The following MFSD1 variants were observed in gnomAD, a reference collection of about 807,000 sequenced individuals.
MFSD1 encodes major facilitator superfamily domain containing 1.
A neutral mutation model predicts 67.1 loss-of-function variants in MFSD1; 59 were observed. The observed-to-expected ratio is 0.88, with a 90% confidence interval of 0.71 to 1.09. MFSD1 has a LOEUF of 1.09. Ranked by LOEUF, MFSD1 falls within the 50% of genes least tolerant of loss-of-function variation. MFSD1 has a pLI of 0.00. For missense variants in MFSD1, 552 were observed against 566.1 expected, an observed-to-expected ratio of 0.97 and a Z score of 0.25; for synonymous variants, 213 against 200.3, an observed-to-expected ratio of 1.06 and a Z score of -0.54.
In MFSD1 at chr3:158,821,632, A is replaced by G. The variant is rs1730678277; in HGVS notation, c.899A>G (p.Gln300Arg). 3.1e-6 allele frequency: 5 copies of G among 1,610,370 alleles called. No homozygotes were observed. The South Asian group carries it at 3.3e-5, about 11-fold the overall frequency. ...FFTEKFGFSS[Q>R]AASAINSVVY... is the part of the protein sequence containing the mutation. ...ACAGAGAAATTTGGATTTTCTTCCCAGGCAGCAAGTGCAATTAACAGGTAT... is the reference window on the plus strand; with the variant it reads ...ACAGAGAAATTTGGATTTTCTTCCCGGGCAGCAAGTGCAATTAACAGGTAT... Residue 300 changes from glutamine (Q) to arginine (R), a missense_variant, in exon 10 of 16, where the codon CAG becomes CGG. By Grantham distance (43) the Gln-to-Arg change is conservative. Coordinates refer to ENST00000415822, the MANE Select transcript of MFSD1 (RefSeq NM_022736.4).
chr3:158,819,877 T>C (rs1730585084), intron 8 of MFSD1, 130 bp downstream of exon 8: 3 of 532,154 alleles, frequency 5.6e-6, no homozygotes, highest in Middle Eastern at 2.8e-4. Context: ...ATTTTTTATT[T>C]CCAAATTGAT....
intron 4 of MFSD1, 147 bp from the exon 5 acceptor site, chr3:158,807,249 T>A: frequency 1.1e-6 from 1 of 917,370 alleles, no homozygotes; most frequent in African/African-American, 1.7e-5. Context: ...TTGAAATAAA[T>A]GAACATTAAT....
intron 12 of MFSD1, 100 bp downstream of exon 12, chr3:158,823,625 TG>T (rs1287261230): frequency 1.2e-5 from 11 of 912,316 alleles, no homozygotes; most frequent in Non-Finnish European, 1.8e-5. Context: ...ATCCAGCCTC[TG>T]GGGTAGCGCT....
intron 11 of MFSD1, 103 bp downstream of exon 11, chr3:158,822,243 G>C: frequency 2.0e-6 from 2 of 1,010,136 alleles, no homozygotes; most frequent in East Asian, 2.4e-5. Flanking sequence ...CAAGGCCTAT[G>C]ATAGTGGGGA....
At chr3:158,813,639 T>C (rs1730153380) in intron 6 of MFSD1, among the ~76,000 whole-genome samples, 1 of 152,198 alleles carries the variant, frequency 6.6e-6, no homozygotes, top group African/African-American at 2.4e-5. Flanking sequence ...CTTTTTCTGT[T>C]ACTGGTATAT....
intron 1 of MFSD1, among the ~76,000 whole-genome samples, chr3:158,803,160 C>T (rs988844204): frequency 2.0e-5 from 3 of 152,054 alleles, no homozygotes; most frequent in African/African-American, 7.2e-5. Context: ...AAAAATTTTC[C>T]TTCCTATGTT....
chr3:158,829,107 C>A lies in MFSD1; in HGVS notation c.*125C>A. The A allele has an allele frequency of 2.5e-6, 2 of 795,438 alleles. No individual in the cohort carries two copies. The highest frequency in any genetic ancestry group is 3.9e-6 in the Non-Finnish European group (2 of 518,780). 49.3% of individuals were successfully genotyped at this position (795,438 alleles called of 1,614,324 possible). Reference sequence around the variant, plus strand: ...TGGACTGGAAAGTTATATTTATATCCAAATATACCTATTTCAAAGTGTATT... The same window carrying A: ...TGGACTGGAAAGTTATATTTATATCAAAATATACCTATTTCAAAGTGTATT... On this transcript the variant is annotated 3_prime_UTR_variant, in exon 16 of 16. Coordinates refer to ENST00000415822, the MANE Select transcript of MFSD1 (RefSeq NM_022736.4).
chr3:158,821,589 A>G lies in MFSD1; in HGVS notation c.864-8A>G. On this transcript the variant is annotated splice_region_variant and splice_polypyrimidine_tract_variant and intron_variant, in intron 9 of 15. Coordinates refer to ENST00000415822, the MANE Select transcript of MFSD1 (RefSeq NM_022736.4). Reference sequence around the variant, plus strand: ...AATGTGCTAATTTCTCTGTCTTTTTAATTTTAGAGTTTTCTTTACAGAGAA... The same window carrying G: ...AATGTGCTAATTTCTCTGTCTTTTTGATTTTAGAGTTTTCTTTACAGAGAA... The G allele has an allele frequency of 1.9e-6, 3 of 1,592,504 alleles. No individual in the cohort carries two copies. The highest frequency in any genetic ancestry group is 2.6e-6 in the Non-Finnish European group (3 of 1,164,072).
intron 3 of MFSD1, among the ~76,000 whole-genome samples, chr3:158,806,716 C>T (rs1729744427): frequency 9.2e-5 from 14 of 152,036 alleles, no homozygotes; most frequent in Admixed American, 9.2e-4. Flanking sequence ...AGTTTTGACC[C>T]TGGGAACTTC....
chr3:158,810,045 G>A (rs1033584955), intron 6 of MFSD1, among the ~76,000 whole-genome samples: 10 of 152,176 alleles, frequency 6.6e-5, no homozygotes, highest in African/African-American at 2.2e-4. Flanking sequence ...GTTTGTTTGA[G>A]ACAGGGTCTC....
chr3:158,827,405 G>T, intron 15 of MFSD1, 68 bp downstream of exon 15: 3 of 887,224 alleles, frequency 3.4e-6, no homozygotes, highest in South Asian at 2.0e-5. Context: ...TTCGTTTCAA[G>T]GTTTGGGCTT....
Position 158,814,068 on chromosome 3 carries a change from G to A in MFSD1, c.652+1G>A. 10 of 1,609,208 alleles carry A rather than the reference G, an allele frequency of 6.2e-6. No individual in the cohort carries two copies. The highest frequency in any genetic ancestry group is 8.5e-6 in the Non-Finnish European group (10 of 1,176,006). ...ACCCTCGGGATCACACTTATGATTG[G>A]TGAGTGAATCCCATGTCCCACATCT... On this transcript the variant is annotated splice_donor_variant, in intron 7 of 15. Coordinates refer to ENST00000415822, the MANE Select transcript of MFSD1 (RefSeq NM_022736.4). LOFTEE classifies it high-confidence loss of function.
Position 158,822,062 on chromosome 3 carries a change from G to C in MFSD1, c.999G>C (p.Trp333Cys), listed in dbSNP as rs745340565. 1 of 1,613,968 alleles carries C rather than the reference G, an allele frequency of 6.2e-7. No individual in the cohort carries two copies. Among genetic ancestry groups the C allele is most frequent in the South Asian group, 1.1e-5 (1 of 91,068 alleles). The change falls in exon 11 of 16, where the codon TGG becomes TGC. Residue 333 changes from tryptophan to cysteine, a missense_variant. Physicochemically the swap from Trp to Cys is radical, Grantham distance 215 (BLOSUM62 -2). Coordinates refer to ENST00000415822, the MANE Select transcript of MFSD1 (RefSeq NM_022736.4). ...LVDKTGKNII[W>C]VLCAVAATLV... ...ATAAAACAGGGAAGAACATCATCTG[G>C]GTTCTTTGCGCAGTAGCAGCCACTC...
chr3:158,802,569 T>G lies in MFSD1; in HGVS notation c.163+254T>G, dbSNP rs534353171. ...TTTGTGGCACTCCTTTGCTCTTCAGTAAGTCCCAGGGGCTAGCGACTCGCC... is the reference window on the plus strand; with the variant it reads ...TTTGTGGCACTCCTTTGCTCTTCAGGAAGTCCCAGGGGCTAGCGACTCGCC... On this transcript the variant is annotated intron_variant, in intron 1 of 15. Coordinates refer to ENST00000415822, the MANE Select transcript of MFSD1 (RefSeq NM_022736.4). 77 of 697,128 alleles carry G rather than the reference T, an allele frequency of 1.1e-4. No homozygotes were observed. The African/African-American group carries it at 1.2e-3, about 11-fold the overall frequency. The allele number at this position is 697,128 out of a possible 1,614,324, so 43.2% of individuals were successfully genotyped here.
chr3:158,803,174 G>A lies in MFSD1; in HGVS notation c.163+859G>A, dbSNP rs1171576844. ...AAAAAATTTTCCTTCCTATGTTACA[G>A]TTTTTAATTTATTAAGCAAAATTCT... On this transcript the variant is annotated intron_variant, in intron 1 of 15. Transcript: ENST00000415822. 2.6e-5 allele frequency among the ~76,000 whole-genome samples: 4 copies of A among 152,252 alleles called. No homozygotes were observed. The East Asian group carries it at 7.7e-4, about 29-fold the overall frequency.
intron 9 of MFSD1, 47 bp downstream of exon 9, chr3:158,820,373 A>G (rs1730610867): frequency 7.8e-7 from 1 of 1,278,150 alleles, no homozygotes; most frequent in African/African-American, 1.5e-5. Flanking sequence ...AATTATCATG[A>G]GAGTTCAATC....
intron 12 of MFSD1, among the ~76,000 whole-genome samples, chr3:158,823,858 A>G (rs1009910541): frequency 1.3e-5 from 2 of 152,200 alleles, no homozygotes; most frequent in African/African-American, 4.8e-5. Flanking sequence ...GTTGATATTC[A>G]CATGGCCCTT....
intron 6 of MFSD1, among the ~76,000 whole-genome samples, chr3:158,813,181 T>C (rs1730128116): frequency 6.6e-6 from 1 of 151,060 alleles, no homozygotes; most frequent in Non-Finnish European, 1.5e-5. Context: ...GGAGTCTTGC[T>C]CTGTCACCCA....
intron 9 of MFSD1, 85 bp from the exon 10 acceptor site, chr3:158,821,512 C>G: frequency 1.1e-6 from 1 of 879,362 alleles, no homozygotes; most frequent in Non-Finnish European, 1.8e-6. Context: ...GCTGATTAAA[C>G]TTGAGTTATT....
Sources: allele counts gnomAD v4.1 joint callset (sites outside exome capture counted in the v4.1 genomes callset), GRCh38; gene constraint gnomAD v4.1.1; transcripts MANE v1.5; gene names NCBI Gene and HGNC (gene_info 2026-07-23, HGNC 2026-07-21).